C1QTNF4: variants seen among roughly 807,000 people sequenced by gnomAD.
The protein encoded by C1QTNF4 is C1q and TNF related 4, also known as complement C1q tumor necrosis factor-related protein 4.
Under a neutral mutation model 14.6 loss-of-function variants are expected in C1QTNF4, and 12 were observed. The ratio of observed to expected loss-of-function variants is 0.82; its 90% CI spans 0.53 to 1.33. The LOEUF (loss-of-function observed/expected upper bound fraction) is 1.33. Ranked by LOEUF, C1QTNF4 falls within the 40% of genes most tolerant of loss-of-function variation. The pLI, the probability that C1QTNF4 is intolerant of heterozygous loss-of-function variation, is 0.00. For synonymous variants in C1QTNF4, 278 were observed against 246.6 expected (o/e 1.13, Z -1.19); for missense variants, 558 against 500.3 (o/e 1.12, Z -1.10).
rs973639114 is a variant in C1QTNF4, at chr11:47,590,397, G to T, written c.414C>A (p.Gly138=). Residue 138 remains glycine (G), a synonymous_variant, in exon 2 of 2, where the codon GGC becomes GGA. Coordinates refer to ENST00000302514, the MANE Select transcript of C1QTNF4 (RefSeq NM_031909.3). ...YGDTVWLRLH[G]APQYALGAPG... ...GCGCGCCTAGCGCGTACTGCGGGGC[G>T]CCATGCAGCCGCAGCCACACTGTGT... 3 of 1,474,258 alleles carry T rather than the reference G, an allele frequency of 2.0e-6. No individual in the cohort carries two copies. The highest frequency in any genetic ancestry group is 2.9e-5 in the African/African-American group (2 of 69,814). 91.3% of individuals were successfully genotyped at this position (1,474,258 alleles called of 1,614,324 possible).
chr11:47,590,918 T>C (rs771368907), intron 1 of C1QTNF4, 103 bp from the exon 2 acceptor site: 2 of 1,418,186 alleles, frequency 1.4e-6, no homozygotes, highest in Non-Finnish European at 1.8e-6. Context: ...AGCCCTGCCC[T>C]TGACCCACAA....
upstream of C1QTNF4, among the ~76,000 whole-genome samples, chr11:47,594,911 G>A (rs1598815318): frequency 6.6e-6 from 1 of 152,108 alleles, no homozygotes; most frequent in African/African-American, 2.4e-5. Flanking sequence ...GGAGAAGGGA[G>A]TCTGCAGGCA....
rs1233944244 is a variant in C1QTNF4 at position 47,589,961 on chromosome 11, C to G, written c.850G>C (p.Val284Leu). 2.5e-6 allele frequency: 4 copies of G among 1,610,398 alleles called. No individual in the cohort carries two copies. The highest frequency in any genetic ancestry group is 3.4e-6 in the Non-Finnish European group (4 of 1,178,132). Residue 284 changes from valine (V) to leucine (L), a missense_variant, in exon 2 of 2, where the codon GTC (valine) becomes CTC (leucine). Transcript: ENST00000302514. ...VMLALRRGDAVWLLSHDHDGY... is the reference protein window; with the variant it reads ...VMLALRRGDALWLLSHDHDGY... ...TCGTGGTCGTGGCTGAGCAGCCAGA[C>G]GGCGTCGCCGCGCCGCAGGGCCAGC... is the stretch of plus-strand genomic sequence containing the variant.
chr11:47,591,484 G>C (rs1319728522), intron 1 of C1QTNF4, among the ~76,000 whole-genome samples: 1 of 150,064 alleles, frequency 6.7e-6, no homozygotes, highest in African/African-American at 2.5e-5. Context: ...CACCTCCCAG[G>C]TTCAAGCGAT....
upstream of C1QTNF4, among the ~76,000 whole-genome samples, chr11:47,595,051 G>A (rs76563374): frequency 5.4e-4 from 82 of 152,222 alleles, no homozygotes; most frequent in East Asian, 0.012. Context: ...AATAGGTGGG[G>A]AAGAAAGGCC....
At position 47,590,416 on chromosome 11, in the gene C1QTNF4, A is replaced by T; in HGVS notation, c.395T>A (p.Val132Glu). Residue 132 changes from valine to glutamate, a missense_variant, in exon 2 of 2, where the codon GTG becomes GAG. Physicochemically the swap from Val to Glu is moderately radical, Grantham distance 121 (BLOSUM62 -2). Transcript: ENST00000302514. ...AMLQLDYGDT[V>E]WLRLHGAPQY... is the part of the protein sequence containing the mutation. ...CGGGGCGCCATGCAGCCGCAGCCAC[A>T]CTGTGTCGCCGTAGTCGAGCTGCAG... 3 of 1,498,108 alleles carry T rather than the reference A, an allele frequency of 2.0e-6. No individual in the cohort carries two copies. Among genetic ancestry groups the T allele is most frequent in the East Asian group, 2.5e-5 (1 of 40,050 alleles). The allele number at this position is 1,498,108 out of a possible 1,614,324, so 92.8% of individuals were successfully genotyped here. A position where few individuals can be genotyped will look rare whatever the true frequency, so the allele number is the denominator to read the frequency against.
chr11:47,591,697 T>A lies in C1QTNF4; in HGVS notation c.-5-882A>T, dbSNP rs146583392. ...GCCACCGCGCCCGGCCGAAACCCCT[T>A]TCTTAAGTGAAAGCTTGAACACAGA... On this transcript the variant is annotated intron_variant, in intron 1 of 1. Transcript: ENST00000302514. 7.5e-3 allele frequency among the ~76,000 whole-genome samples: 1,141 copies of A among 152,278 alleles called. 6 individuals carry two copies. Among genetic ancestry groups the A allele is most frequent in the Non-Finnish European group, 0.011 (751 of 68,026 alleles).
intron 1 of C1QTNF4, 136 bp from the exon 2 acceptor site, chr11:47,590,951 C>G: frequency 7.4e-7 from 1 of 1,357,904 alleles, no homozygotes; most frequent in Non-Finnish European, 9.6e-7. Context: ...TTTCCTACAT[C>G]CTTGGATTCT....
At chr11:47,591,842 TCCC>T (rs541672018) in intron 1 of C1QTNF4, among the ~76,000 whole-genome samples, 2 of 152,204 alleles carry the variant, frequency 1.3e-5, no homozygotes, top group Non-Finnish European at 2.9e-5. Flanking sequence ...GTCTCTGAGT[TCCC>T]CTCAGCTCCA....
At chr11:47,595,258 C>A (rs118102336), upstream of C1QTNF4, among the ~76,000 whole-genome samples, 4,106 of 152,320 alleles carry the variant, frequency 0.027, 70 homozygotes, top group Non-Finnish European at 0.041. Context: ...TCTCCCCTGA[C>A]GGCTGTAGAG....
chr11:47,594,476 C>G (rs947922372), upstream of C1QTNF4: 1 of 152,344 alleles, frequency 6.6e-6, no homozygotes, highest in Non-Finnish European at 1.5e-5. Context: ...GCTGCGGGGC[C>G]TAGGGGCTCC....
chr11:47,592,700 G>C (rs1026220943), intron 1 of C1QTNF4, among the ~76,000 whole-genome samples: 3 of 152,172 alleles, frequency 2.0e-5, no homozygotes, highest in Admixed American at 6.5e-5. Flanking sequence ...GATGTGGGCT[G>C]CTTTAGAAAA....
At chr11:47,591,215 A>G (rs1410929420) in intron 1 of C1QTNF4, among the ~76,000 whole-genome samples, 1 of 151,972 alleles carries the variant, frequency 6.6e-6, no homozygotes, top group East Asian at 1.9e-4. Context: ...AGTAGCTGAC[A>G]TTACAGGTGC....
In C1QTNF4 at chr11:47,590,121, G is replaced by T; in HGVS notation, c.690C>A (p.Phe230Leu). ...VFRCRLPGAY[F>L]FSFTLGKLPR... ...GCAGCTTGCCCAGCGTGAAGGAGAA[G>T]AAGTAGGCGCCGGGCAGACGGCAGC... The change falls in exon 2 of 2, where the codon TTC becomes TTA. Residue 230 changes from phenylalanine (F) to leucine (L), a missense_variant. Coordinates refer to ENST00000302514, the MANE Select transcript of C1QTNF4 (RefSeq NM_031909.3). 1 of 1,611,392 alleles carries T rather than the reference G, an allele frequency of 6.2e-7. No individual in the cohort carries two copies. The highest frequency in any genetic ancestry group is 1.1e-5 in the South Asian group (1 of 91,050).
chr11:47,589,752 C>T lies in C1QTNF4; in HGVS notation c.*69G>A. On this transcript the variant is annotated 3_prime_UTR_variant, in exon 2 of 2. Coordinates refer to ENST00000302514, the MANE Select transcript of C1QTNF4 (RefSeq NM_031909.3). ...CGGAGGCCGTGGCGCTCGCGCGGGA[C>T]TTTCGAGCCTCCGGCCCGGCCTGGC... The T allele has an allele frequency of 7.2e-7, 1 of 1,396,846 alleles. No homozygotes were observed. 86.5% of individuals were successfully genotyped at this position (1,396,846 alleles called of 1,614,324 possible).
chr11:47,590,393 G>T lies in C1QTNF4; in HGVS notation c.418C>A (p.Pro140Thr). ...DTVWLRLHGA[P>T]QYALGAPGAT... ...CCGGGCGCGCCTAGCGCGTACTGCG[G>T]GGCGCCATGCAGCCGCAGCCACACT... The change falls in exon 2 of 2, where the codon CCG (proline) becomes ACG (threonine). Residue 140 changes from proline to threonine, a missense_variant. By Grantham distance (38) the Pro-to-Thr change is conservative (BLOSUM62 -1). Coordinates refer to ENST00000302514, the MANE Select transcript of C1QTNF4 (RefSeq NM_031909.3). 1 of 1,472,094 alleles carries T rather than the reference G, an allele frequency of 6.8e-7. No homozygotes were observed. The highest frequency in any genetic ancestry group is 8.9e-7 in the Non-Finnish European group (1 of 1,119,268). 91.2% of individuals were successfully genotyped at this position (1,472,094 alleles called of 1,614,324 possible).
chr11:47,593,637 CAGGT>C (rs1397884983), intron 1 of C1QTNF4, among the ~76,000 whole-genome samples: 1 of 152,148 alleles, frequency 6.6e-6, no homozygotes, highest in Non-Finnish European at 1.5e-5. Context: ...GAGGGTGTGT[CAGGT>C]GGGTGTCATA....
chr11:47,590,143 C>T lies in C1QTNF4; in HGVS notation c.668G>A (p.Cys223Tyr). 1 of 1,608,244 alleles carries T rather than the reference C, an allele frequency of 6.2e-7. No homozygotes were observed. Residue 223 changes from cysteine (C) to tyrosine (Y), a missense_variant, in exon 2 of 2, where the codon TGC (cysteine) becomes TAC (tyrosine). Physicochemically the swap from Cys to Tyr is radical, Grantham distance 194 (BLOSUM62 -2). Transcript: ENST00000302514. The part of the protein sequence containing the change: ...DFDAAAGVFR[C>Y]RLPGAYFFSF... ...GAAGAAGTAGGCGCCGGGCAGACGGCAGCGGAACACGCCGGCCGCCGCGTC... is the reference window on the plus strand; with the variant it reads ...GAAGAAGTAGGCGCCGGGCAGACGGTAGCGGAACACGCCGGCCGCCGCGTC...
rs1598815013 is a variant in C1QTNF4 at position 47,594,352 on chromosome 11, T to G, written c.-210A>C. The stretch of plus-strand genomic sequence containing the variant: ...GGGTGCTGGGGCCAGGGGCCGGGCG[T>G]GGGGAGGCGTGAGGGAAAGGGAAGG... On this transcript the variant is annotated 5_prime_UTR_variant, in exon 1 of 2. Coordinates refer to ENST00000302514, the MANE Select transcript of C1QTNF4 (RefSeq NM_031909.3). The G allele has an allele frequency of 7.7e-6, 1 of 129,074 alleles. No individual in the cohort carries two copies. Among genetic ancestry groups the G allele is most frequent in the African/African-American group, 3.0e-5 (1 of 33,812 alleles). 8.0% of individuals were successfully genotyped at this position (129,074 alleles called of 1,614,324 possible). A position where few individuals can be genotyped will look rare whatever the true frequency, so the allele number is the denominator to read the frequency against.
Sources: gnomAD v4.1 joint callset for allele counts (sites outside exome capture counted in the v4.1 genomes callset) on GRCh38, gnomAD v4.1.1 for gene constraint, MANE v1.5 for transcripts, NCBI Gene and HGNC (gene_info 2026-07-23, HGNC 2026-07-21) for gene names.